Variants in ADAMTS3 observed in about 807,000 individuals in gnomAD.
ADAMTS3 encodes ADAM metallopeptidase with thrombospondin type 1 motif 3.
Under a neutral mutation model 129.0 loss-of-function variants are expected in ADAMTS3, and 73 were observed. The observed-to-expected ratio is 0.57, with a 90% CI of 0.47 to 0.69. The LOEUF (loss-of-function observed/expected upper bound fraction) is 0.69, where lower values mean the gene tolerates loss of function less well. Ranked by LOEUF, ADAMTS3 falls within the 30% of genes least tolerant of loss-of-function variation. The pLI is 0.00. For missense variants in ADAMTS3, 1,457 were observed against 1,514.5 expected (o/e 0.96, Z 0.63); for synonymous variants, 477 against 510.8 (o/e 0.93, Z 0.89).
chr4:72,476,103 A>C (rs1211694240), intron 3 of ADAMTS3, among the ~76,000 whole-genome samples: 1 of 152,012 alleles, frequency 6.6e-6, no homozygotes, highest in Admixed American at 6.6e-5. Flanking sequence ...CTAAGTAGAA[A>C]GAAGTAAATA....
chr4:72,304,919 G>A (rs963446921), intron 16 of ADAMTS3, among the ~76,000 whole-genome samples: 2 of 151,802 alleles, frequency 1.3e-5, no homozygotes, highest in Non-Finnish European at 2.9e-5. Context: ...GAAAAATAAG[G>A]GATTTTAAAT....
At chr4:72,367,192 T>C (rs928338111) in intron 4 of ADAMTS3, among the ~76,000 whole-genome samples, 3 of 152,180 alleles carry the variant, frequency 2.0e-5, no homozygotes, top group African/African-American at 7.2e-5. Flanking sequence ...GATACTTCTC[T>C]AAATTTGATA....
At chr4:72,296,210 C>CGGGG (rs1718804392) in intron 18 of ADAMTS3, among the ~76,000 whole-genome samples, 1 of 151,996 alleles carries the variant, frequency 6.6e-6, no homozygotes, top group East Asian at 1.9e-4. Flanking sequence ...TACTTTTCTT[C>CGGGG]AGCAGAATAC....
intron 3 of ADAMTS3, among the ~76,000 whole-genome samples, chr4:72,502,928 C>G (rs1427142564): frequency 6.6e-6 from 1 of 152,020 alleles, no homozygotes; most frequent in Non-Finnish European, 1.5e-5. Context: ...GTGTTTGGCA[C>G]TATAAACTTT....
chr4:72,557,773 G>A (rs2222219), intron 2 of ADAMTS3, among the ~76,000 whole-genome samples: 67,793 of 151,434 alleles, frequency 0.45, 15,687 homozygotes, highest in South Asian at 0.61. Flanking sequence ...AAAAGAAAAA[G>A]CATGCTTTGA....
intron 3 of ADAMTS3, among the ~76,000 whole-genome samples, chr4:72,455,973 C>CTATATGTATTTT (rs1418698479): frequency 8.3e-5 from 1 of 12,086 alleles, no homozygotes; most frequent in African/African-American, 2.1e-4. Flanking sequence ...ATATATTTTA[C>CTATATGTATTTT]ATATAGTATA....
intron 3 of ADAMTS3, among the ~76,000 whole-genome samples, chr4:72,504,919 T>A (rs772058682): frequency 6.6e-6 from 1 of 152,332 alleles, no homozygotes; most frequent in Non-Finnish European, 1.5e-5. Flanking sequence ...GAAGCTCTAA[T>A]TGATTTCTTT....
chr4:72,341,705 G>C (rs1560479532), intron 4 of ADAMTS3, among the ~76,000 whole-genome samples: 1 of 152,188 alleles, frequency 6.6e-6, no homozygotes, highest in Non-Finnish European at 1.5e-5. Flanking sequence ...TTATTTCAGA[G>C]AGGCAGTTCA....
At chr4:72,403,049 T>A (rs1260303358) in intron 4 of ADAMTS3, among the ~76,000 whole-genome samples, 2 of 152,148 alleles carry the variant, frequency 1.3e-5, no homozygotes, top group Admixed American at 6.5e-5. Context: ...CTCTGCTGTA[T>A]AACACAGTCA....
chr4:72,385,954 C>A (rs1721435433), intron 4 of ADAMTS3, among the ~76,000 whole-genome samples: 1 of 151,952 alleles, frequency 6.6e-6, no homozygotes, highest in African/African-American at 2.4e-5. Context: ...TTTAATTACA[C>A]TCAAACTTCA....
At chr4:72,297,088 G>A (rs368868081) in intron 18 of ADAMTS3, among the ~76,000 whole-genome samples, 3 of 152,138 alleles carry the variant, frequency 2.0e-5, no homozygotes, top group East Asian at 1.9e-4. Flanking sequence ...TTTAATCTGG[G>A]AAATAATATA....
At chr4:72,473,118 G>C (rs1425729797) in intron 3 of ADAMTS3, among the ~76,000 whole-genome samples, 1 of 152,098 alleles carries the variant, frequency 6.6e-6, no homozygotes, top group African/African-American at 2.4e-5. Flanking sequence ...TGAAGTAGCA[G>C]ATCCCACAGA....
intron 3 of ADAMTS3, among the ~76,000 whole-genome samples, chr4:72,486,388 T>A (rs1719592099): frequency 6.6e-6 from 1 of 152,198 alleles, no homozygotes; most frequent in Non-Finnish European, 1.5e-5. Context: ...ATATTTCTGC[T>A]CAGTCTTGTA....
chr4:72,540,603 GAGGTCTAGGAGGAAAAC>G (rs1484970553), intron 3 of ADAMTS3, among the ~76,000 whole-genome samples: 1 of 152,124 alleles, frequency 6.6e-6, no homozygotes, highest in Non-Finnish European at 1.5e-5. Context: ...CACACACCCG[GAGGTCTAGGAGGAAAAC>G]ATGATTTCAT....
Position 72,383,884 on chromosome 4 carries a change from A to C in ADAMTS3, c.661+30931T>G, listed in dbSNP as rs187806279. Among the ~76,000 whole-genome samples, 627 of 152,144 alleles carry C rather than the reference A, an allele frequency of 4.1e-3. 4 individuals carry two copies. The highest frequency in any genetic ancestry group is 0.012 in the South Asian group (59 of 4,832). On this transcript the variant is annotated intron_variant, in intron 4 of 21. Transcript: ENST00000286657. The stretch of plus-strand genomic sequence containing the variant: ...CTGAGATGAATCAGATGTTAGAATT[A>C]GGATGCAAAATTATAAATTCTTCAA...
intron 3 of ADAMTS3, among the ~76,000 whole-genome samples, chr4:72,479,425 C>G (rs1003779870): frequency 3.3e-5 from 5 of 152,180 alleles, no homozygotes; most frequent in Non-Finnish European, 7.4e-5. Context: ...ACAAACCTGA[C>G]AAAAACAAGC....
At chr4:72,303,768 G>A (rs914420246) in intron 17 of ADAMTS3, 149 bp downstream of exon 17, 3 of 722,488 alleles carry the variant, frequency 4.2e-6, no homozygotes, top group Non-Finnish European at 6.8e-6. Context: ...CACAAAGAGT[G>A]GGGGGAAAGA....
chr4:72,499,535 T>G (rs1352241016), intron 3 of ADAMTS3, among the ~76,000 whole-genome samples: 1 of 152,152 alleles, frequency 6.6e-6, no homozygotes, highest in African/African-American at 2.4e-5. Context: ...CTTCCTATAT[T>G]ACACCGACCT....
chr4:72,555,485 C>T (rs1451735161), intron 2 of ADAMTS3, among the ~76,000 whole-genome samples: 1 of 151,750 alleles, frequency 6.6e-6, no homozygotes, highest in Non-Finnish European at 1.5e-5. Flanking sequence ...GGCAACTTAT[C>T]CACAGAGTAC....
Sources: allele counts gnomAD v4.1 joint callset (sites outside exome capture counted in the v4.1 genomes callset), GRCh38; gene constraint gnomAD v4.1.1; transcripts MANE v1.5; gene names NCBI Gene and HGNC (gene_info 2026-07-23, HGNC 2026-07-21).